COL16A1: variants seen among roughly 807,000 people sequenced by gnomAD.
COL16A1 encodes collagen alpha-1(XVI) chain.
In COL16A1, 189 loss-of-function variants were observed where a neutral mutation model predicts 266.3. The observed-to-expected ratio is 0.71, with a 90% confidence interval of 0.63 to 0.80. COL16A1 has a LOEUF of 0.80. Among genes scored for constraint, COL16A1 ranks in the 30% least tolerant of loss-of-function variants. The pLI is 0.00. For synonymous variants in COL16A1, 740 were observed against 782.3 expected (o/e 0.95, Z 0.90); for missense variants, 1,928 against 2,122.4 (o/e 0.91, Z 1.80).
chr1:31,678,411 A>G (rs1269140931), intron 42 of COL16A1, among the ~76,000 whole-genome samples: 1 of 152,202 alleles, frequency 6.6e-6, no homozygotes, highest in African/African-American at 2.4e-5. Flanking sequence ...CCTGAAAGGC[A>G]TCAGAAGAAG....
intron 16 of COL16A1, 45 bp from the exon 17 acceptor site, chr1:31,692,112 G>C: frequency 6.2e-7 from 1 of 1,612,414 alleles, no homozygotes; most frequent in Non-Finnish European, 8.5e-7. Flanking sequence ...GGAAGGGCCT[G>C]GGACAGCTGG....
intron 13 of COL16A1, 89 bp downstream of exon 13, chr1:31,693,003 C>T: frequency 2.9e-6 from 3 of 1,038,826 alleles, no homozygotes; most frequent in Non-Finnish European, 2.9e-6. Flanking sequence ...AGGCTTTCTG[C>T]CGGGATGATG....
chr1:31,695,138 A>C, intron 11 of COL16A1, 48 bp downstream of exon 11: 2 of 1,607,412 alleles, frequency 1.2e-6, no homozygotes, highest in South Asian at 1.1e-5. Context: ...GGCAACGTCC[A>C]CTCCCGGCTC....
At chr1:31,691,848 G>A (rs756213545) in intron 17 of COL16A1, among the ~76,000 whole-genome samples, 157 bp downstream of exon 17, 14 of 151,988 alleles carry the variant, frequency 9.2e-5, no homozygotes, top group South Asian at 2.1e-4. Context: ...CCTGGGCTCA[G>A]GTCCTTTTCT....
chr1:31,681,835 G>T (rs1018861317), intron 37 of COL16A1, among the ~76,000 whole-genome samples: 3 of 152,216 alleles, frequency 2.0e-5, no homozygotes, highest in African/African-American at 7.2e-5. Context: ...TTTGCCTGGG[G>T]CTCCCTGGGA....
At chr1:31,684,441 T>C (rs776488017) in intron 31 of COL16A1, 82 bp downstream of exon 31, 190 of 1,555,662 alleles carry the variant, frequency 1.2e-4, no homozygotes, top group Non-Finnish European at 1.4e-4. Context: ...CAGCTGGCCC[T>C]GCAGTCCTTC....
chr1:31,695,105 AGGAGGC>A (rs1644437261), intron 11 of COL16A1, 75 bp downstream of exon 11: 2 of 1,471,642 alleles, frequency 1.4e-6, no homozygotes, highest in Non-Finnish European at 1.9e-6. Context: ...GTCCTCACCC[AGGAGGC>A]TGCCAAGCCA....
Position 31,679,481 on chromosome 1 carries a change from C to A in COL16A1, c.2772+151G>T, listed in dbSNP as rs1643439259. 3.1e-6 allele frequency: 5 copies of A among 1,613,178 alleles called. No homozygotes were observed. In the East Asian group the frequency reaches 1.1e-4, roughly 36 times the overall value. On this transcript the variant is annotated intron_variant, in intron 42 of 70. Coordinates refer to ENST00000373672, the MANE Select transcript of COL16A1 (RefSeq NM_001856.4). Reference sequence around the variant, plus strand: ...TAGAGGCTCAGTGGGCCCTCCTTGCCACCCTGGGAGGCAGGTAAACAGAGG... The same window carrying A: ...TAGAGGCTCAGTGGGCCCTCCTTGCAACCCTGGGAGGCAGGTAAACAGAGG...
intron 61 of COL16A1, 70 bp downstream of exon 61, chr1:31,660,996 C>T (rs911736181): frequency 8.2e-6 from 12 of 1,469,850 alleles, no homozygotes; most frequent in South Asian, 2.6e-5. Context: ...CAGGAAGAAG[C>T]GGCTGCATCC....
chr1:31,696,217 C>A (rs1407480177), intron 8 of COL16A1, 76 bp from the exon 9 acceptor site: 2 of 1,348,976 alleles, frequency 1.5e-6, no homozygotes, highest in Non-Finnish European at 2.1e-6. Flanking sequence ...GGCACCCAGG[C>A]AGGGGGCATG....
At chr1:31,661,172 A>AC in intron 60 of COL16A1, 53 bp from the exon 61 acceptor site, 4 of 1,543,448 alleles carry the variant, frequency 2.6e-6, no homozygotes, top group Non-Finnish European at 3.5e-6. Flanking sequence ...TGACATCCCT[A>AC]CCCCAAGTCA....
At chr1:31,662,441 G>C in intron 57 of COL16A1, 54 bp from the exon 58 acceptor site, 1 of 1,589,204 alleles carries the variant, frequency 6.3e-7, no homozygotes, top group South Asian at 1.1e-5. Context: ...CCTAGGAGGT[G>C]GGAGGCCTGG....
Position 31,697,393 on chromosome 1 carries a change from G to A in COL16A1, c.658-93C>T. ...AGGCACAGAGATGTCTCTGCCCCAG[G>A]ATGTGACCTCAGGGTGTTTCCAGTC... On this transcript the variant is annotated intron_variant, in intron 6 of 70. Coordinates refer to ENST00000373672, the MANE Select transcript of COL16A1 (RefSeq NM_001856.4). This position sits in a 1 kb window ranked among gnomAD's most constrained non-coding sequence, Gnocchi z 4.2. 3.1e-6 allele frequency: 4 copies of A among 1,284,500 alleles called. No individual in the cohort carries two copies. Among genetic ancestry groups the A allele is most frequent in the Non-Finnish European group, 4.3e-6 (4 of 925,776 alleles). 79.6% of individuals were successfully genotyped at this position (1,284,500 alleles called of 1,614,324 possible). A position where few individuals can be genotyped will look rare whatever the true frequency, so the allele number is the denominator to read the frequency against.
Position 31,675,355 on chromosome 1 carries a change from A to G in COL16A1, c.2773-44T>C, listed in dbSNP as rs141232282. 583 of 1,603,584 alleles carry G rather than the reference A, an allele frequency of 3.6e-4. 8 individuals carry two copies. In the East Asian group the frequency reaches 9.4e-3, roughly 26 times the overall value. ...ACGAGTGAGTGGGCTCCATCTCTCT[A>G]GCCTGCTGGTCAGCCTGTTTCCTTC... On this transcript the variant is annotated intron_variant, in intron 42 of 70. Coordinates refer to ENST00000373672, the MANE Select transcript of COL16A1 (RefSeq NM_001856.4).
intron 52 of COL16A1, chr1:31,666,427 C>T (rs1380997328): frequency 6.4e-6 from 2 of 313,670 alleles, no homozygotes; most frequent in Admixed American, 4.9e-5. Flanking sequence ...CAACGCTGGT[C>T]TTTGAGGCAG....
chr1:31,652,757 C>T lies in COL16A1; in HGVS notation c.4709G>A (p.Gly1570Asp), dbSNP rs1640736045. 1 of 1,601,736 alleles carries T rather than the reference C, an allele frequency of 6.2e-7. No individual in the cohort carries two copies. Residue 1570 changes from glycine (G) to aspartate (D), a missense_variant, in exon 71 of 71, where the codon GGC becomes GAC. Around this residue, in one of 2 missense-constraint regions of COL16A1, gnomAD observed 376 missense variants for 485.2 expected, o/e 0.77. Coordinates refer to ENST00000373672, the MANE Select transcript of COL16A1 (RefSeq NM_001856.4). This position sits in a 1 kb window ranked among gnomAD's most constrained non-coding sequence, Gnocchi z 4.8. ...PGIPGPPGPM[G>D]QPGKAGHCNP... ...ACAGTGGCCAGCCTTGCCTGGCTGG[C>T]CCATGGGACCCGGGGGCCCAGGGAT...
At position 31,670,592 on chromosome 1, in the gene COL16A1, A is replaced by T; in HGVS notation, c.3195+10T>A. 1 of 1,397,978 alleles carries T rather than the reference A, an allele frequency of 7.2e-7. No individual in the cohort carries two copies. Among genetic ancestry groups the T allele is most frequent in the Non-Finnish European group, 9.3e-7 (1 of 1,076,184 alleles). 86.6% of individuals were successfully genotyped at this position (1,397,978 alleles called of 1,614,324 possible). On this transcript the variant is annotated intron_variant, in intron 49 of 70. Coordinates refer to ENST00000373672, the MANE Select transcript of COL16A1 (RefSeq NM_001856.4). The surrounding 1 kb of genome is among the most constrained non-coding windows in gnomAD (Gnocchi z 4.5). ...GGGGGAGGGGAGGTCGAGCAGCGCT[A>T]GGTTCTTACAGGCAATCCGGGGGAG... is the stretch of plus-strand genomic sequence containing the variant.
At chr1:31,679,928 G>A in intron 40 of COL16A1, 77 bp from the exon 41 acceptor site, 1 of 1,545,510 alleles carries the variant, frequency 6.5e-7, no homozygotes, top group Non-Finnish European at 8.7e-7. Flanking sequence ...GCTGCGTGGG[G>A]AGGCGGCTGG....
At chr1:31,671,340 G>T (rs1325502274) in intron 48 of COL16A1, among the ~76,000 whole-genome samples, 2 of 152,212 alleles carry the variant, frequency 1.3e-5, no homozygotes, top group Non-Finnish European at 2.9e-5. Context: ...TGTGGAAAGC[G>T]CAGCAGAGGG....
Sources: allele counts gnomAD v4.1 joint callset (sites outside exome capture counted in the v4.1 genomes callset), GRCh38; gene constraint gnomAD v4.1.1; regional missense constraint gnomAD v4.1.1; non-coding constraint Gnocchi (gnomAD v3.1); transcripts MANE v1.5; gene names NCBI Gene and HGNC (gene_info 2026-07-23, HGNC 2026-07-21).